Variants in FOCAD observed in about 807,000 individuals in gnomAD.
FOCAD encodes KIAA1797.
FOCAD carries 198 observed loss-of-function variants against 225.6 expected under a neutral mutation model. The observed-to-expected ratio is 0.88, with a 90% CI of 0.78 to 0.99. The LOEUF is 0.99. Ranked by LOEUF, FOCAD falls within the 50% of genes least tolerant of loss-of-function variation. The pLI is 0.00. For synonymous variants in FOCAD, 897 were observed against 755.0 expected (o/e 1.19, Z -3.08); for missense variants, 2,713 against 2,123.6 (o/e 1.28, Z -5.46).
At chr9:20,777,973 C>G (rs1192694305) in intron 8 of FOCAD, among the ~76,000 whole-genome samples, 2 of 150,600 alleles carry the variant, frequency 1.3e-5, no homozygotes, top group African/African-American at 2.4e-5. Context: ...GCCTGTAGTC[C>G]CAGCTACTCG....
Position 20,866,915 on chromosome 9 carries a change from T to TAACAAA in FOCAD, c.2107-14_2107-13insAACAAA. 2 of 951,904 alleles carry TAACAAA rather than the reference T, an allele frequency of 2.1e-6. No homozygotes were observed. Among genetic ancestry groups the TAACAAA allele is most frequent in the African/African-American group, 1.9e-5 (1 of 52,104 alleles). The allele number at this position is 951,904 out of a possible 1,614,324, so 59.0% of individuals were successfully genotyped here. ...TTTTTTTTTTTTTTTTTTTTTTTTT[T>TAACAAA]TTACCCTATCTAGGACCCAATTGTA... On this transcript the variant is annotated splice_polypyrimidine_tract_variant and intron_variant, in intron 17 of 43. Coordinates refer to ENST00000338382, the MANE Select transcript of FOCAD (RefSeq NM_001375567.1).
Position 20,866,917 on chromosome 9 carries a change from T to TTTTTTTTTTTTAAAAAAA in FOCAD, c.2107-12_2107-11insTTTTTTTTTTTAAAAAAA. ...TTTTTTTTTTTTTTTTTTTTTTTTT[T>TTTTTTTTTTTTAAAAAAA]ACCCTATCTAGGACCCAATTGTAGC... On this transcript the variant is annotated splice_polypyrimidine_tract_variant and intron_variant, in intron 17 of 43. Transcript: ENST00000338382. The TTTTTTTTTTTTAAAAAAA allele has an allele frequency of 3.9e-6, 3 of 764,970 alleles. No homozygotes were observed. The highest frequency in any genetic ancestry group is 6.0e-6 in the Non-Finnish European group (3 of 498,468). 47.4% of individuals were successfully genotyped at this position (764,970 alleles called of 1,614,324 possible).
intron 15 of FOCAD, among the ~76,000 whole-genome samples, chr9:20,831,278 G>A (rs993666912): frequency 2.6e-5 from 4 of 152,036 alleles, no homozygotes; most frequent in Non-Finnish European, 5.9e-5. Flanking sequence ...TTCATTCTCC[G>A]GTAGGAAGAG....
intron 28 of FOCAD, 97 bp downstream of exon 28, chr9:20,933,200 A>G: frequency 1.2e-6 from 1 of 854,724 alleles, no homozygotes; most frequent in East Asian, 2.7e-5. Context: ...TTTTATTTTT[A>G]TTTTTTATTT....
chr9:20,909,139 T>TA (rs1430003217), intron 22 of FOCAD, among the ~76,000 whole-genome samples: 1 of 152,030 alleles, frequency 6.6e-6, no homozygotes. Flanking sequence ...TGCAATTGAT[T>TA]AAAAAAAGCC....
intron 5 of FOCAD, among the ~76,000 whole-genome samples, chr9:20,741,712 C>T (rs1193585454): frequency 3.0e-5 from 3 of 100,298 alleles, no homozygotes; most frequent in East Asian, 6.1e-4. Context: ...ATAGTGGTGT[C>T]CTTTGTGACG....
chr9:20,663,025 A>G (rs1821781020), intron 2 of FOCAD, among the ~76,000 whole-genome samples: 1 of 152,220 alleles, frequency 6.6e-6, no homozygotes, highest in Admixed American at 6.5e-5. Flanking sequence ...TCTTATTCTC[A>G]GTAAACAAAC....
At chr9:20,712,116 A>T (rs1373611862) in intron 1 of FOCAD, among the ~76,000 whole-genome samples, 1 of 152,098 alleles carries the variant, frequency 6.6e-6, no homozygotes, top group East Asian at 1.9e-4. Flanking sequence ...CTCCACTACG[A>T]TCTCTCCCTC....
chr9:20,943,781 A>G (rs1014344260), intron 28 of FOCAD, among the ~76,000 whole-genome samples: 3 of 152,210 alleles, frequency 2.0e-5, no homozygotes, highest in Non-Finnish European at 2.9e-5. Context: ...TTCTGAAAAA[A>G]CATTGCATTT....
chr9:20,670,690 C>A (rs1822038616), intron 2 of FOCAD, among the ~76,000 whole-genome samples: 1 of 152,088 alleles, frequency 6.6e-6, no homozygotes, highest in African/African-American at 2.4e-5. Flanking sequence ...GTGGGGTGGC[C>A]AGGGGACACA....
chr9:20,926,509 C>T (rs528199244), intron 26 of FOCAD, 92 bp downstream of exon 26: 7 of 810,128 alleles, frequency 8.6e-6, no homozygotes, highest in Admixed American at 3.7e-5. Flanking sequence ...ATAGGCCAGG[C>T]GCGGTGGCTC....
chr9:20,832,716 T>C (rs145070164), intron 15 of FOCAD, among the ~76,000 whole-genome samples: 122 of 152,190 alleles, frequency 8.0e-4, no homozygotes, highest in Middle Eastern at 3.4e-3. Flanking sequence ...TTCCCATCTT[T>C]CTGTGTCTGG....
intron 7 of FOCAD, among the ~76,000 whole-genome samples, chr9:20,767,070 T>C (rs538274017): frequency 3.9e-4 from 58 of 150,518 alleles, no homozygotes; most frequent in South Asian, 8.5e-4. Flanking sequence ...TGAGAATATG[T>C]GGTGTTTGGT....
chr9:20,986,855 A>T (rs925873618), intron 40 of FOCAD, among the ~76,000 whole-genome samples: 3 of 152,200 alleles, frequency 2.0e-5, no homozygotes, highest in African/African-American at 7.2e-5. Context: ...AGAAACAAAA[A>T]AATTAACTAG....
intron 35 of FOCAD, among the ~76,000 whole-genome samples, chr9:20,970,284 A>G (rs1417965421): frequency 6.6e-6 from 1 of 152,082 alleles, no homozygotes; most frequent in African/African-American, 2.4e-5. Flanking sequence ...TTTTTCAAAT[A>G]TTCATTCTGC....
At chr9:20,848,861 CTAT>C (rs899886683) in intron 15 of FOCAD, among the ~76,000 whole-genome samples, 2 of 151,198 alleles carry the variant, frequency 1.3e-5, no homozygotes, top group East Asian at 1.9e-4. Flanking sequence ...TAAGTTGCTT[CTAT>C]TATTATTATT....
chr9:20,790,697 G>A (rs1356026982), intron 11 of FOCAD, among the ~76,000 whole-genome samples: 1 of 152,160 alleles, frequency 6.6e-6, no homozygotes, highest in Non-Finnish European at 1.5e-5. Context: ...CTTGAACCCA[G>A]GAGGTGGAGG....
chr9:20,671,171 T>G (rs1822053391), intron 2 of FOCAD, among the ~76,000 whole-genome samples: 3 of 152,070 alleles, frequency 2.0e-5, no homozygotes, highest in South Asian at 2.1e-4. Flanking sequence ...CTTATAAATA[T>G]GTCAGGCCAA....
rs747886176 is a variant in FOCAD at position 20,976,469 on chromosome 9, A to G, written c.4182A>G (p.Ile1394Met). Residue 1394 changes from isoleucine to methionine, a missense_variant, in exon 36 of 44, where the codon ATA (isoleucine) becomes ATG (methionine). By Grantham distance (10) the Ile-to-Met change is conservative. Coordinates refer to ENST00000338382, the MANE Select transcript of FOCAD (RefSeq NM_001375567.1). The part of the protein sequence containing the change: ...PSLLKVVMKP[I>M]ATVGESYQYP... ...TTCTTAAAGTAGTGATGAAACCCAT[A>G]GCAACTGTTGGAGAAAGCTACCAAT... is the stretch of plus-strand genomic sequence containing the variant. 6.2e-7 allele frequency: 1 copy of G among 1,613,292 alleles called. No homozygotes were observed.
Sources: gnomAD v4.1 joint callset for allele counts (sites outside exome capture counted in the v4.1 genomes callset) on GRCh38, gnomAD v4.1.1 for gene constraint, MANE v1.5 for transcripts, NCBI Gene and HGNC (gene_info 2026-07-23, HGNC 2026-07-21) for gene names.